The following PCDH11X variants were observed in gnomAD, a reference collection of about 807,000 sequenced individuals.
The protein encoded by PCDH11X is protocadherin 11 X-linked, also known as protocadherin-11 X-linked.
Under a neutral mutation model 53.3 loss-of-function variants are expected in PCDH11X, and 18 were observed. The observed-to-expected ratio is 0.34, with a 90% confidence interval of 0.23 to 0.50. PCDH11X has a LOEUF of 0.50. Ranked by LOEUF, PCDH11X falls within the 20% of genes least tolerant of loss-of-function variation. The pLI is 0.98. For missense variants in PCDH11X, 570 were observed against 1,032.4 expected, an observed-to-expected ratio of 0.55 and a Z score of 6.14; for synonymous variants, 279 against 393.3, an observed-to-expected ratio of 0.71 and a Z score of 3.44.
At chrX:91,865,821 A>G (rs1938950565) in intron 5 of PCDH11X, among the ~76,000 whole-genome samples, 1 of 111,719 alleles carries the variant, frequency 9.0e-6, no homozygotes, top group Non-Finnish European at 1.9e-5. Flanking sequence ...TACTGCTGAT[A>G]TTCCCTTAAG....
rs1382706604 is a variant in PCDH11X, at chrX:92,329,633, T to G, written c.3145-58102T>G. Among the ~76,000 whole-genome samples, 5 of 111,122 alleles carry G rather than the reference T, an allele frequency of 4.5e-5. No individual in the cohort carries two copies. The East Asian group carries it at 1.4e-3, about 32-fold the overall frequency. ...AATGTGGCACATATATACAATGGAG[T>G]ACTATTTAGCCAGAAAAAGGAATGA... On this transcript the variant is annotated intron_variant, in intron 8 of 10. Transcript: ENST00000682573.
At chrX:91,784,445 G>C (rs1208246415) in intron 1 of PCDH11X, among the ~76,000 whole-genome samples, 2 of 112,102 alleles carry the variant, frequency 1.8e-5, no homozygotes, top group Non-Finnish European at 3.8e-5. Flanking sequence ...ACTCATCTCA[G>C]TTTCCCCATC....
At chrX:92,361,302 G>T (rs1450719217) in intron 8 of PCDH11X, among the ~76,000 whole-genome samples, 1 of 109,928 alleles carries the variant, frequency 9.1e-6, no homozygotes, top group African/African-American at 3.3e-5. Flanking sequence ...ACATGATCAG[G>T]TCTTTATTAT....
intron 6 of PCDH11X, among the ~76,000 whole-genome samples, chrX:91,999,087 A>T (rs1056388970): frequency 5.5e-5 from 6 of 108,226 alleles, no homozygotes; most frequent in African/African-American, 2.0e-4. Context: ...CTATTTTTAA[A>T]TTTTTTTTGT....
At chrX:91,865,014 T>C (rs996419295) in intron 5 of PCDH11X, among the ~76,000 whole-genome samples, 1 of 111,354 alleles carries the variant, frequency 9.0e-6, no homozygotes, top group Non-Finnish European at 1.9e-5. Flanking sequence ...GGCTTTGTCC[T>C]GGGTGACTTA....
intron 1 of PCDH11X, among the ~76,000 whole-genome samples, chrX:91,800,283 A>G (rs2524851): frequency 3.6e-5 from 4 of 111,355 alleles, no homozygotes; most frequent in Non-Finnish European, 3.8e-5. Context: ...ACAAGTAGGC[A>G]TCTATGTCAA....
intron 6 of PCDH11X, among the ~76,000 whole-genome samples, chrX:91,960,191 G>A (rs929300506): frequency 9.9e-6 from 1 of 100,719 alleles, no homozygotes; most frequent in Non-Finnish European, 2.0e-5. Context: ...AACCCCCTAC[G>A]AGATAAACAT....
At chrX:91,929,118 A>G (rs1942039737) in intron 6 of PCDH11X, among the ~76,000 whole-genome samples, 2 of 111,458 alleles carry the variant, frequency 1.8e-5, no homozygotes, top group Non-Finnish European at 3.8e-5. Context: ...TATAAAATGA[A>G]GTAATAAATT....
chrX:92,339,047 C>T (rs970748189), intron 8 of PCDH11X, among the ~76,000 whole-genome samples: 1 of 111,472 alleles, frequency 9.0e-6, no homozygotes, highest in Non-Finnish European at 1.9e-5. Flanking sequence ...ATGAAAACAG[C>T]ATGATACCCA....
In PCDH11X at chrX:92,528,480, A is replaced by C. The variant is rs191815139; in HGVS notation, c.3367+60158A>C. ...GCTAATTTTGTATTTTTTAGTAGAG[A>C]GGGGGTTTCTGCATGTTGGTCACGC... On this transcript the variant is annotated intron_variant, in intron 10 of 10. Coordinates refer to ENST00000682573, the MANE Select transcript of PCDH11X (RefSeq NM_032968.5). 1.9e-3 allele frequency among the ~76,000 whole-genome samples: 207 copies of C among 110,646 alleles called. 1 individual carries two copies. The highest frequency in any genetic ancestry group is 6.6e-3 in the African/African-American group (202 of 30,449).
chrX:91,878,526 C>G lies in PCDH11X; in HGVS notation c.2286C>G (p.Leu762=). Residue 762 remains leucine (L), a synonymous_variant, in exon 6 of 11, where the codon CTC becomes CTG. Transcript: ENST00000682573. ...ATGACTTAGGACAGCCTGATTCTCTCTTCAGTGTTGTAATTGTCAATCTGT... is the reference window on the plus strand; with the variant it reads ...ATGACTTAGGACAGCCTGATTCTCTGTTCAGTGTTGTAATTGTCAATCTGT... ...KANDLGQPDS[L]FSVVIVNLFV... The G allele has an allele frequency of 8.3e-7, 1 of 1,211,112 alleles. No homozygotes were observed. Among genetic ancestry groups the G allele is most frequent in the Non-Finnish European group, 1.1e-6 (1 of 895,372 alleles).
intron 6 of PCDH11X, among the ~76,000 whole-genome samples, chrX:92,055,599 G>T (rs1043032247): frequency 6.3e-5 from 7 of 110,238 alleles, no homozygotes; most frequent in Non-Finnish European, 1.1e-4. Flanking sequence ...TACATGTGCA[G>T]GTTTGTAACA....
rs544926754 is a variant in PCDH11X, at chrX:92,368,607, G to C, written c.3145-19128G>C. 1.3e-4 allele frequency among the ~76,000 whole-genome samples: 15 copies of C among 111,896 alleles called. No homozygotes were observed. In the South Asian group the frequency reaches 5.6e-3, roughly 42 times the overall value. ...TATTTGGAATTTTCAGCGTTTCTGT[G>C]CTGGTTTTTCCTCACCTTCATGGAT... On this transcript the variant is annotated intron_variant, in intron 8 of 10. Transcript: ENST00000682573.
chrX:91,932,770 A>G (rs1459920260), intron 6 of PCDH11X, among the ~76,000 whole-genome samples: 1 of 111,577 alleles, frequency 9.0e-6, no homozygotes, highest in Admixed American at 9.5e-5. Context: ...GTACTGAAAC[A>G]TACTCATCCA....
chrX:92,100,463 T>A (rs764796828), intron 6 of PCDH11X, among the ~76,000 whole-genome samples: 168 of 109,171 alleles, frequency 1.5e-3, no homozygotes, highest in African/African-American at 5.0e-3. Context: ...TCAGTGGGGG[T>A]GCTTTTTGAG....
chrX:92,478,640 A>G (rs1199147237), intron 10 of PCDH11X, among the ~76,000 whole-genome samples: 3 of 111,900 alleles, frequency 2.7e-5, no homozygotes, highest in Non-Finnish European at 5.6e-5. Context: ...AAAGTCATTC[A>G]TGACCTGAGC....
intron 6 of PCDH11X, among the ~76,000 whole-genome samples, chrX:91,893,524 T>C (rs1602445006): frequency 9.1e-6 from 1 of 109,535 alleles, no homozygotes; most frequent in Non-Finnish European, 1.9e-5. Context: ...AAAAAAGACA[T>C]TCTTGTCTTC....
At chrX:92,090,695 G>A (rs913797348) in intron 6 of PCDH11X, among the ~76,000 whole-genome samples, 13 of 110,233 alleles carry the variant, frequency 1.2e-4, no homozygotes, top group Non-Finnish European at 2.5e-4. Context: ...TAGGAAATAC[G>A]CATAACAAGT....
chrX:92,586,434 A>G (rs765162851), intron 10 of PCDH11X, among the ~76,000 whole-genome samples: 1 of 108,458 alleles, frequency 9.2e-6, no homozygotes, highest in Non-Finnish European at 1.9e-5. Flanking sequence ...TTTAACCTAA[A>G]ATACAATTAT....
Sources: allele counts gnomAD v4.1 joint callset (sites outside exome capture counted in the v4.1 genomes callset), GRCh38; gene constraint gnomAD v4.1.1; transcripts MANE v1.5; gene names NCBI Gene and HGNC (gene_info 2026-07-23, HGNC 2026-07-21).